Variants in CDK6 observed in about 807,000 individuals in gnomAD.
CDK6 encodes cyclin dependent kinase 6.
In CDK6, 6 loss-of-function variants were observed where a neutral mutation model predicts 37.1. The ratio of observed to expected loss-of-function variants is 0.16; its 90% CI spans 0.09 to 0.32. The LOEUF is 0.32. Ranked by LOEUF, CDK6 falls within the 10% of genes least tolerant of loss-of-function variation. The pLI, the probability that CDK6 is intolerant of heterozygous loss-of-function variation, is 1.00. For synonymous variants in CDK6, 160 were observed against 161.3 expected, an observed-to-expected ratio of 0.99 and a Z score of 0.06; for missense variants, 224 against 418.9, an observed-to-expected ratio of 0.53 and a Z score of 4.06.
chr7:92,784,385 C>G (rs376510562), intron 2 of CDK6, among the ~76,000 whole-genome samples: 1 of 152,070 alleles, frequency 6.6e-6, no homozygotes, highest in Non-Finnish European at 1.5e-5. Flanking sequence ...AGCGACCTGC[C>G]AATGGAGAAA....
intron 3 of CDK6, among the ~76,000 whole-genome samples, chr7:92,745,889 G>A (rs1713094350): frequency 6.6e-6 from 1 of 152,052 alleles, no homozygotes; most frequent in African/African-American, 2.4e-5. Context: ...GCTAAATCTG[G>A]CAAACTTATC....
At chr7:92,796,232 T>C (rs986604498) in intron 2 of CDK6, among the ~76,000 whole-genome samples, 17 of 152,000 alleles carry the variant, frequency 1.1e-4, no homozygotes, top group Admixed American at 6.6e-5. Flanking sequence ...TTAAAAGTTA[T>C]AGACATATGG....
At chr7:92,669,808 T>A (rs1797035328) in intron 5 of CDK6, among the ~76,000 whole-genome samples, 1 of 152,228 alleles carries the variant, frequency 6.6e-6, no homozygotes, top group Non-Finnish European at 1.5e-5. Flanking sequence ...CTGGTCATAC[T>A]GTCATCCAAC....
At position 92,608,428 on chromosome 7, in the gene CDK6, G is replaced by A. The variant is rs1795480881; in HGVS notation, c.*6712C>T. ...AGAGCTTTTGCCAACTGAAGACGAA[G>A]CAGAAAATAAACTTTTCAAAACAAA... On this transcript the variant is annotated 3_prime_UTR_variant, in exon 8 of 8. Transcript: ENST00000424848. 4.3e-6 allele frequency: 1 copy of A among 230,412 alleles called. No individual in the cohort carries two copies. The highest frequency in any genetic ancestry group is 1.8e-4 in the South Asian group (1 of 5,516). 14.3% of individuals were successfully genotyped at this position (230,412 alleles called of 1,614,324 possible).
chr7:92,811,475 T>C (rs923154701), intron 2 of CDK6, among the ~76,000 whole-genome samples: 4 of 151,800 alleles, frequency 2.6e-5, no homozygotes, highest in African/African-American at 9.7e-5. Flanking sequence ...CAAACTGGGG[T>C]GGCTTCGAGT....
At chr7:92,697,238 A>G (rs544677514) in intron 4 of CDK6, among the ~76,000 whole-genome samples, 21 of 152,226 alleles carry the variant, frequency 1.4e-4, no homozygotes, top group African/African-American at 4.8e-4. Flanking sequence ...CTATTGTGGA[A>G]GTCAATGGTG....
Position 92,695,518 on chromosome 7 carries a change from G to C in CDK6, c.538-23983C>G, listed in dbSNP as rs142548762. Among the ~76,000 whole-genome samples the C allele has an allele frequency of 3.9e-3, 600 of 152,334 alleles. 4 individuals are homozygous for C. The highest frequency in any genetic ancestry group is 0.014 in the Middle Eastern group (4 of 294). The stretch of plus-strand genomic sequence containing the variant: ...TTTTGACTTGAGAAAGTCAGACTAA[G>C]AGCAGCGGCTAAGTTCCATGTGAAG... On this transcript the variant is annotated intron_variant, in intron 4 of 7. Transcript: ENST00000424848.
At chr7:92,827,317 TAC>T (rs1051867827) in intron 2 of CDK6, among the ~76,000 whole-genome samples, 1 of 152,176 alleles carries the variant, frequency 6.6e-6, no homozygotes, top group Non-Finnish European at 1.5e-5. Flanking sequence ...CTACTTAAAT[TAC>T]AAAGCCAGTA....
chr7:92,662,675 C>T (rs1796866026), intron 5 of CDK6, among the ~76,000 whole-genome samples: 1 of 152,144 alleles, frequency 6.6e-6, no homozygotes, highest in South Asian at 2.1e-4. Context: ...TCAAGACCCT[C>T]AAACTGCTCT....
At chr7:92,625,275 C>G (rs1795900222) in intron 5 of CDK6, among the ~76,000 whole-genome samples, 1 of 150,448 alleles carries the variant, frequency 6.6e-6, no homozygotes, top group African/African-American at 2.5e-5. Context: ...TTATTCCTGG[C>G]CAATATTATA....
At chr7:92,752,219 A>T (rs930571017) in intron 3 of CDK6, among the ~76,000 whole-genome samples, 1 of 152,026 alleles carries the variant, frequency 6.6e-6, no homozygotes, top group Non-Finnish European at 1.5e-5. Context: ...TTTAATCTTT[A>T]AAAAAAAGCC....
At chr7:92,683,241 T>G (rs1215216077) in intron 4 of CDK6, among the ~76,000 whole-genome samples, 1 of 152,212 alleles carries the variant, frequency 6.6e-6, no homozygotes, top group African/African-American at 2.4e-5. Flanking sequence ...AGAGGCCACA[T>G]TATTACTCAG....
intron 7 of CDK6, 50 bp downstream of exon 7, chr7:92,618,022 A>T (rs985851106): frequency 7.5e-6 from 12 of 1,596,486 alleles, no homozygotes; most frequent in Non-Finnish European, 1.0e-5. Flanking sequence ...TGGGTAGAGC[A>T]GGTGTCTCAC....
In CDK6 at chr7:92,636,958, G is replaced by A. The variant is rs141376890; in HGVS notation, c.648-13872C>T. Reference sequence around the variant, plus strand: ...GGGATTTAGGTGTGTGAACCACTGCGCCCAGCCCGATTGTATTTTCCTAAA... The same window carrying A: ...GGGATTTAGGTGTGTGAACCACTGCACCCAGCCCGATTGTATTTTCCTAAA... On this transcript the variant is annotated intron_variant, in intron 5 of 7. Transcript: ENST00000424848. Among the ~76,000 whole-genome samples, 530 of 152,248 alleles carry A rather than the reference G, an allele frequency of 3.5e-3. 6 individuals carry two copies. The highest frequency in any genetic ancestry group is 0.012 in the African/African-American group (505 of 41,530).
intron 4 of CDK6, among the ~76,000 whole-genome samples, chr7:92,679,044 G>A (rs955815341): frequency 1.3e-5 from 2 of 152,190 alleles, no homozygotes; most frequent in Admixed American, 6.5e-5. Flanking sequence ...CTGACTGCGA[G>A]TAAGACTCAG....
rs1309942533 is a variant in CDK6 at position 92,610,833 on chromosome 7, A to C, written c.*4307T>G. ...TTGGGTAAGGTTCACAATTTTTCAAAAGTATTGGTGGCATAGGAAACACAT... is the reference window on the plus strand; with the variant it reads ...TTGGGTAAGGTTCACAATTTTTCAACAGTATTGGTGGCATAGGAAACACAT... On this transcript the variant is annotated 3_prime_UTR_variant, in exon 8 of 8. Coordinates refer to ENST00000424848, the MANE Select transcript of CDK6 (RefSeq NM_001145306.2). The C allele has an allele frequency of 4.4e-6, 1 of 228,298 alleles. No homozygotes were observed. Among genetic ancestry groups the C allele is most frequent in the Non-Finnish European group, 8.7e-6 (1 of 115,080 alleles). 14.1% of individuals were successfully genotyped at this position (228,298 alleles called of 1,614,324 possible).
Position 92,624,842 on chromosome 7 carries a change from G to A in CDK6, c.648-1756C>T, listed in dbSNP as rs1795888995. ...CATTTGATTCTCACAAAAATTCCAG[G>A]AGAAATGTAGTAGTACAATTATCCC... On this transcript the variant is annotated intron_variant, in intron 5 of 7. Coordinates refer to ENST00000424848, the MANE Select transcript of CDK6 (RefSeq NM_001145306.2). 2.0e-5 allele frequency among the ~76,000 whole-genome samples: 3 copies of A among 152,108 alleles called. No individual in the cohort carries two copies. In the South Asian group the frequency reaches 6.2e-4, roughly 32 times the overall value.
intron 4 of CDK6, among the ~76,000 whole-genome samples, chr7:92,687,135 T>G (rs1471998046): frequency 6.6e-6 from 1 of 152,242 alleles, no homozygotes; most frequent in South Asian, 2.1e-4. Flanking sequence ...GGCCTCGTGA[T>G]ACCCTCTGTG....
chr7:92,659,190 T>A (rs1796777595), intron 5 of CDK6, among the ~76,000 whole-genome samples: 1 of 152,222 alleles, frequency 6.6e-6, no homozygotes, highest in Admixed American at 6.5e-5. Context: ...TAATTTATCC[T>A]TTTATTTGAT....
Sources: allele counts gnomAD v4.1 joint callset (sites outside exome capture counted in the v4.1 genomes callset), GRCh38; gene constraint gnomAD v4.1.1; transcripts MANE v1.5; gene names NCBI Gene and HGNC (gene_info 2026-07-23, HGNC 2026-07-21).